Variants in RNF168 observed in about 807,000 individuals in gnomAD.
The protein encoded by RNF168 is E3 ubiquitin-protein ligase RNF168.
Under a neutral mutation model 34.9 loss-of-function variants are expected in RNF168, and 34 were observed. That is an observed-to-expected ratio of 0.97 (90% CI 0.74 to 1.30). The LOEUF is 1.30. Among genes scored for constraint, RNF168 ranks in the 50% most tolerant of loss-of-function variants. RNF168 has a pLI of 0.00. For missense variants in RNF168, 725 were observed against 682.5 expected, an observed-to-expected ratio of 1.06 and a Z score of -0.69; for synonymous variants, 264 against 254.7, an observed-to-expected ratio of 1.04 and a Z score of -0.35.
At chr3:196,480,859 C>T (rs1028035878) in intron 4 of RNF168, among the ~76,000 whole-genome samples, 19 of 152,036 alleles carry the variant, frequency 1.2e-4, no homozygotes, top group African/African-American at 2.7e-4. Flanking sequence ...AGCTCGGGCT[C>T]GTCTTGAACT....
chr3:196,485,023 T>C (rs1046305319), intron 3 of RNF168, among the ~76,000 whole-genome samples: 12 of 152,196 alleles, frequency 7.9e-5, no homozygotes, highest in Admixed American at 2.0e-4. Flanking sequence ...CAGAGAGCTG[T>C]GGATATACCC....
In RNF168 at chr3:196,472,008, TG is replaced by T; in HGVS notation, c.1526del (p.Thr509AsnfsTer15). The T allele has an allele frequency of 6.2e-7, 1 of 1,614,168 alleles. No individual in the cohort carries two copies. On this transcript the variant is annotated frameshift_variant, in exon 6 of 6. Coordinates refer to ENST00000318037, the MANE Select transcript of RNF168 (RefSeq NM_152617.4). LOFTEE classifies it high-confidence loss of function. Reference protein sequence around the residue: ...FKRQTHTKHPTPERGSRDKNR... With the variant: ...FKRQTHTKHPXPERGSRDKNR... ...TTTTGTCCCTTGAGCCTCTCTCTGG[TG>T]TTGGATGCTTTGTGTGAGTTTGCCT...
chr3:196,484,026 T>G, intron 3 of RNF168, 135 bp from the exon 4 acceptor site: 1 of 690,470 alleles, frequency 1.4e-6, no homozygotes, highest in Non-Finnish European at 2.5e-6. Flanking sequence ...GTACATCTCT[T>G]GAAGAATATT....
At chr3:196,492,400 G>A (rs1435727500) in intron 1 of RNF168, among the ~76,000 whole-genome samples, 1 of 152,044 alleles carries the variant, frequency 6.6e-6, no homozygotes. Flanking sequence ...TATTATACTA[G>A]AAAGCAAAAC....
intron 5 of RNF168, among the ~76,000 whole-genome samples, chr3:196,474,510 C>T (rs181292763): frequency 5.3e-5 from 8 of 150,160 alleles, no homozygotes; most frequent in East Asian, 2.0e-4. Flanking sequence ...GGCAACGGCA[C>T]GATCTCAGCT....
At chr3:196,499,856 T>C (rs1396991287) in intron 1 of RNF168, among the ~76,000 whole-genome samples, 1 of 152,174 alleles carries the variant, frequency 6.6e-6, no homozygotes, top group Non-Finnish European at 1.5e-5. Flanking sequence ...AGATATTTCA[T>C]ATTTTTCCGA....
Position 196,492,777 on chromosome 3 carries a change from C to CAAATAAATAAATAAAT in RNF168, c.302-4110_302-4095dup, listed in dbSNP as rs553940481. Among the ~76,000 whole-genome samples, 63 of 151,388 alleles carry CAAATAAATAAATAAAT rather than the reference C, an allele frequency of 4.2e-4. 1 individual carries two copies. The highest frequency in any genetic ancestry group is 1.5e-3 in the African/African-American group (60 of 41,092). ...TGGGTGACAGAGAGAGACTCCATCT[C>CAAATAAATAAATAAAT]AAATAAATAAATAAATAAATAAATA... On this transcript the variant is annotated intron_variant, in intron 1 of 5. Transcript: ENST00000318037.
rs1207406612 is a variant in RNF168, at chr3:196,503,283, C to T, written c.-110G>A. ...GCAGTTTTGTGTTTCAGTATTATGC[C>T]CAGAAGCGTATCAGAATTCGGAGAA... On this transcript the variant is annotated 5_prime_UTR_variant, in exon 1 of 6. Coordinates refer to ENST00000318037, the MANE Select transcript of RNF168 (RefSeq NM_152617.4). 2.5e-5 allele frequency: 23 copies of T among 930,930 alleles called. No homozygotes were observed. The South Asian group carries it at 3.2e-4, about 13-fold the overall frequency. 57.7% of individuals were successfully genotyped at this position (930,930 alleles called of 1,614,324 possible).
In RNF168 at chr3:196,503,380, C is replaced by T. The variant is rs544089191; in HGVS notation, c.-207G>A. The T allele has an allele frequency of 5.0e-6, 3 of 597,692 alleles. No homozygotes were observed. The highest frequency in any genetic ancestry group is 3.9e-5 in the South Asian group (2 of 51,144). 37.0% of individuals were successfully genotyped at this position (597,692 alleles called of 1,614,324 possible). ...AGGCAAACAGGAATACCCCGGAGGG[C>T]GGCGTCTTTGTCCATTTTCAAGGCA... On this transcript the variant is annotated 5_prime_UTR_variant, in exon 1 of 6. Coordinates refer to ENST00000318037, the MANE Select transcript of RNF168 (RefSeq NM_152617.4).
At chr3:196,474,826 G>A (rs1732104811) in intron 5 of RNF168, 1 of 234,810 alleles carries the variant, frequency 4.3e-6, no homozygotes, top group South Asian at 5.4e-5. Context: ...CATAGGTCAA[G>A]GATCAGTAAT....
In RNF168 at chr3:196,471,913, C is replaced by G; in HGVS notation, c.1622G>C (p.Arg541Thr). ...VNRRKMPNSTRDHCKVSKSAH... is the reference protein window; with the variant it reads ...VNRRKMPNSTTDHCKVSKSAH... Reference sequence around the variant, plus strand: ...ACTTTTGGATACCTTACAGTGATCTCTAGTAGAATTTGGCATCTTTCTTCT... The same window carrying G: ...ACTTTTGGATACCTTACAGTGATCTGTAGTAGAATTTGGCATCTTTCTTCT... The change falls in exon 6 of 6, where the codon AGA becomes ACA. Residue 541 changes from arginine (R) to threonine (T), a missense_variant. Coordinates refer to ENST00000318037, the MANE Select transcript of RNF168 (RefSeq NM_152617.4). The G allele has an allele frequency of 6.2e-7, 1 of 1,613,894 alleles. No homozygotes were observed. Among genetic ancestry groups the G allele is most frequent in the South Asian group, 1.1e-5 (1 of 91,070 alleles).
In RNF168 at chr3:196,487,525, T is replaced by C. The variant is rs1288664759; in HGVS notation, c.432A>G (p.Glu144=). The change falls in exon 3 of 6, where the codon GAA becomes GAG. Residue 144 remains glutamate (E), a synonymous_variant. Transcript: ENST00000318037. ...SEEEENKASE[E]YIQRLLAEEE... is the part of the protein sequence containing the mutation. ...CCTCTGCCAACAACCTCTGTATGTA[T>C]TCTTCACTGGCTTTGTTTTCTTCTT... is the stretch of plus-strand genomic sequence containing the variant. 2 of 1,614,238 alleles carry C rather than the reference T, an allele frequency of 1.2e-6. No individual in the cohort carries two copies. The highest frequency in any genetic ancestry group is 1.1e-5 in the South Asian group (1 of 91,086).
chr3:196,486,864 C>T (rs190391472), intron 3 of RNF168, among the ~76,000 whole-genome samples: 5 of 152,304 alleles, frequency 3.3e-5, no homozygotes, highest in South Asian at 2.1e-4. Flanking sequence ...AGCCCAGGAG[C>T]TCGACACCAG....
Position 196,471,643 on chromosome 3 carries a change from T to C in RNF168, c.*176A>G. The C allele has an allele frequency of 1.6e-6, 1 of 624,384 alleles. No homozygotes were observed. Among genetic ancestry groups the C allele is most frequent in the Non-Finnish European group, 2.9e-6 (1 of 347,386 alleles). 38.7% of individuals were successfully genotyped at this position (624,384 alleles called of 1,614,324 possible). On this transcript the variant is annotated 3_prime_UTR_variant, in exon 6 of 6. Transcript: ENST00000318037. ...ACGACAGGGGACCCCTGCTTACCGC[T>C]GAGCTGTGCAGAAGCTCATGTGTCT...
intron 1 of RNF168, among the ~76,000 whole-genome samples, chr3:196,492,802 A>AAAAT (rs140990026): frequency 6.6e-6 from 1 of 150,934 alleles, no homozygotes; most frequent in Non-Finnish European, 1.5e-5. Flanking sequence ...ATAAATAAAT[A>AAAAT]AAATAAATAA....
intron 3 of RNF168, among the ~76,000 whole-genome samples, chr3:196,485,814 T>C (rs991172055): frequency 1.2e-4 from 19 of 152,214 alleles, no homozygotes; most frequent in African/African-American, 4.6e-4. Flanking sequence ...TTCCCATGAT[T>C]CAATGGTAAG....
intron 5 of RNF168, chr3:196,474,659 GCTGATCTCGAACCC>G (rs1274181968): frequency 6.4e-6 from 1 of 155,076 alleles, no homozygotes; most frequent in Non-Finnish European, 1.4e-5. Flanking sequence ...TGTTGGTCAG[GCTGATCTCGAACCC>G]CTGACCTCAG....
In RNF168 at chr3:196,502,865, T is replaced by C; in HGVS notation, c.301+8A>G. 6 of 1,612,048 alleles carry C rather than the reference T, an allele frequency of 3.7e-6. No homozygotes were observed. Among genetic ancestry groups the C allele is most frequent in the Non-Finnish European group, 5.1e-6 (6 of 1,178,132 alleles). On this transcript the variant is annotated splice_region_variant and intron_variant, in intron 1 of 5. Transcript: ENST00000318037. Reference sequence around the variant, plus strand: ...TTTTGGCCAACAAACACGCCATGGTTTACTCACCCACTTCCTCTGATTCTT... The same window carrying C: ...TTTTGGCCAACAAACACGCCATGGTCTACTCACCCACTTCCTCTGATTCTT...
chr3:196,495,922 C>T (rs1390724546), intron 1 of RNF168, among the ~76,000 whole-genome samples: 2 of 152,130 alleles, frequency 1.3e-5, no homozygotes, highest in African/African-American at 2.4e-5. Context: ...CACCTGTCTC[C>T]GTCACACTAA....
Sources: gnomAD v4.1 joint callset for allele counts (sites outside exome capture counted in the v4.1 genomes callset) on GRCh38, gnomAD v4.1.1 for gene constraint, MANE v1.5 for transcripts, NCBI Gene and HGNC (gene_info 2026-07-23, HGNC 2026-07-21) for gene names.